Variants in SAMD11 observed in about 807,000 individuals in gnomAD.
The protein encoded by SAMD11 is sterile alpha motif domain containing 11.
In SAMD11, 77 loss-of-function variants were observed where a neutral mutation model predicts 64.4. The ratio of observed to expected loss-of-function variants is 1.20; its 90% confidence interval spans 0.99 to 1.44. SAMD11 has a LOEUF of 1.44. Among genes scored for constraint, SAMD11 ranks in the 40% most tolerant of loss-of-function variants. The pLI is 0.00. For synonymous variants in SAMD11, 658 were observed against 421.9 expected, an observed-to-expected ratio of 1.56 and a Z score of -6.86; for missense variants, 1,402 against 943.3, an observed-to-expected ratio of 1.49 and a Z score of -6.37.
chr1:928,217 C>CT (rs369077543), intron 2 of SAMD11, among the ~76,000 whole-genome samples: 5 of 119,586 alleles, frequency 4.2e-5, no homozygotes, highest in Non-Finnish European at 9.8e-5. Flanking sequence ...CACGGTGAAA[C>CT]CCGTCTCTAC....
At chr1:941,061 C>G in intron 7 of SAMD11, 83 bp from the exon 8 acceptor site, 5 of 1,315,028 alleles carry the variant, frequency 3.8e-6, no homozygotes, top group Non-Finnish European at 1.1e-6. Context: ...CAGTTCCCCA[C>G]CTCAGTGTTC....
rs972967218 is a variant in SAMD11, at chr1:925,923, G to C, written c.519G>C (p.Gly173=). ...GGTCTGCCTCGGCTCTGCTCGCAGG[G>C]AAAAGTCTGAAGACGCTTATGTCCA... ...KDWKRSIRHK[G]KSLKTLMSKG... Residue 173 remains glycine, a splice_region_variant and synonymous_variant, in exon 2 of 14, where the codon GGG becomes GGC. Transcript: ENST00000616016. The C allele has an allele frequency of 4.3e-6, 7 of 1,609,784 alleles. No homozygotes were observed. Among genetic ancestry groups the C allele is most frequent in the Non-Finnish European group, 5.9e-6 (7 of 1,178,734 alleles).
intron 5 of SAMD11, 32 bp downstream of exon 5, chr1:935,928 C>CGGGGCT: frequency 6.2e-7 from 1 of 1,603,538 alleles, no homozygotes; most frequent in South Asian, 1.1e-5. Context: ...AGGGCGGGGT[C>CGGGGCT]GGGGCTGTGG....
At position 933,122 on chromosome 1, in the gene SAMD11, C is replaced by T. The variant is rs372438699; in HGVS notation, c.842+2033C>T. Reference sequence around the variant, plus strand: ...GCCCCACCACAGAGACTCTCAGGGGCTTCGTCCCTTGTGCGAAGCAGGGTG... The same window carrying T: ...GCCCCACCACAGAGACTCTCAGGGGTTTCGTCCCTTGTGCGAAGCAGGGTG... On this transcript the variant is annotated intron_variant, in intron 4 of 13. Coordinates refer to ENST00000616016, the MANE Select transcript of SAMD11 (RefSeq NM_001385641.1). Among the ~76,000 whole-genome samples the T allele has an allele frequency of 3.5e-3, 536 of 152,330 alleles. 2 individuals are homozygous for T. Among genetic ancestry groups the T allele is most frequent in the African/African-American group, 0.012 (513 of 41,564 alleles).
chr1:931,736 G>A (rs1641178689), intron 4 of SAMD11, among the ~76,000 whole-genome samples: 1 of 152,230 alleles, frequency 6.6e-6, no homozygotes. Context: ...TGGCAGACAG[G>A]GGATTGGATT....
Position 942,205 on chromosome 1 carries a change from CA to C in SAMD11, c.1429del (p.Arg477GlyfsTer87). On this transcript the variant is annotated frameshift_variant, in exon 9 of 14. Coordinates refer to ENST00000616016, the MANE Select transcript of SAMD11 (RefSeq NM_001385641.1). LOFTEE classifies it high-confidence loss of function. ...APHVALGPHLRPPFLGVPSAL... is the reference protein window; with the variant it reads ...APHVALGPHLXPPFLGVPSAL... ...CTCACGTCGCCCTGGGCCCCCATCT[CA>C]GGCCCCCCTTCCTGGGGGTGCCCTC... is the stretch of plus-strand genomic sequence containing the variant. 7.3e-7 allele frequency: 1 copy of C among 1,369,760 alleles called. No individual in the cohort carries two copies. Among genetic ancestry groups the C allele is most frequent in the Non-Finnish European group, 9.5e-7 (1 of 1,056,964 alleles). 84.9% of individuals were successfully genotyped at this position (1,369,760 alleles called of 1,614,324 possible).
intron 8 of SAMD11, 44 bp downstream of exon 8, chr1:941,350 C>G (rs756879143): frequency 2.7e-5 from 40 of 1,457,710 alleles, no homozygotes; most frequent in Non-Finnish European, 3.5e-5. Context: ...TGGGGTGCCG[C>G]CCGCACCCCC....
intron 5 of SAMD11, among the ~76,000 whole-genome samples, chr1:937,511 A>T (rs571539719): frequency 1.3e-5 from 2 of 150,318 alleles, no homozygotes; most frequent in Admixed American, 1.3e-4. Flanking sequence ...AGGAGGTGAG[A>T]GGCCTTGCTA....
At chr1:937,452 C>T (rs1302282999) in intron 5 of SAMD11, among the ~76,000 whole-genome samples, 8 of 151,102 alleles carry the variant, frequency 5.3e-5, no homozygotes, top group Non-Finnish European at 1.5e-5. Context: ...TAGCCCCCCA[C>T]AGAACGGAGA....
At chr1:935,717 G>GGCTCCAGCCTCGCA (rs1641396346) in intron 4 of SAMD11, 55 bp from the exon 5 acceptor site, 19 of 1,608,636 alleles carry the variant, frequency 1.2e-5, no homozygotes, top group Non-Finnish European at 1.6e-5. Context: ...GCCCAGGCTG[G>GGCTCCAGCCTCGCA]GCTCCAGCCT....
Position 942,136 on chromosome 1 carries a change from G to C in SAMD11, c.1359G>C (p.Arg453Ser). Residue 453 changes from arginine (R) to serine (S), a missense_variant and splice_region_variant, in exon 9 of 14, where the codon AGG (arginine) becomes AGC (serine). By Grantham distance (110) the Arg-to-Ser change is moderately radical. Transcript: ENST00000616016. ...APAAAPSFSERELPQPPPLLS... is the reference protein window; with the variant it reads ...APAAAPSFSESELPQPPPLLS... Reference sequence around the variant, plus strand: ...CCGCTCATTGCGCTGCCGTCCACAGGGAGCTGCCTCAGCCGCCCCCCTTGC... The same window carrying C: ...CCGCTCATTGCGCTGCCGTCCACAGCGAGCTGCCTCAGCCGCCCCCCTTGC... The C allele has an allele frequency of 7.5e-7, 1 of 1,332,688 alleles. No individual in the cohort carries two copies. The allele number at this position is 1,332,688 out of a possible 1,614,324, so 82.6% of individuals were successfully genotyped here.
intron 5 of SAMD11, among the ~76,000 whole-genome samples, chr1:938,812 C>T (rs560829153): frequency 3.9e-5 from 6 of 152,288 alleles, no homozygotes; most frequent in African/African-American, 7.2e-5. Flanking sequence ...TCTGCACACA[C>T]GCACCAGGGC....
rs544200569 is a variant in SAMD11 at position 928,194 on chromosome 1, C to T, written c.610-1961C>T. 3.7e-3 allele frequency among the ~76,000 whole-genome samples: 569 copies of T among 152,004 alleles called. 25 individuals carry two copies. The East Asian group carries it at 0.1, about 27-fold the overall frequency. On this transcript the variant is annotated intron_variant, in intron 2 of 13. Coordinates refer to ENST00000616016, the MANE Select transcript of SAMD11 (RefSeq NM_001385641.1). ...GGATCACGAGGTCAGGAGATCGAGA[C>T]CATCCTGACTAACACGGTGAAACCC... is the stretch of plus-strand genomic sequence containing the variant.
chr1:924,089 CG>C lies in SAMD11; in HGVS notation c.-340del, dbSNP rs1640778132. On this transcript the variant is annotated 5_prime_UTR_variant, in exon 1 of 14. Transcript: ENST00000616016. ...CGGCCTGGCGGGTGGGTCGGCGAGC[CG>C]GGCGTGGGACTGCCCCGGGCGCGGG... 1 of 149,580 alleles carries C rather than the reference CG, an allele frequency of 6.7e-6. No individual in the cohort carries two copies. The highest frequency in any genetic ancestry group is 2.4e-5 in the African/African-American group (1 of 41,082). 9.3% of individuals were successfully genotyped at this position (149,580 alleles called of 1,614,324 possible).
chr1:943,266 A>C lies in SAMD11; in HGVS notation c.2067A>C (p.Gly689=), dbSNP rs1158711747. Residue 689 remains glycine, a synonymous_variant, in exon 12 of 14, where the codon GGA becomes GGC. Transcript: ENST00000616016. ...SPYFHTGAVG[G]LSMDGEEAPA... ...CCCACAACTCAGGCGCGGTAGGGGG[A>C]CTCTCCATGGATGGGGAGGAGGCCC... 6.2e-7 allele frequency: 1 copy of C among 1,611,848 alleles called. No individual in the cohort carries two copies. Among genetic ancestry groups the C allele is most frequent in the Non-Finnish European group, 8.5e-7 (1 of 1,179,642 alleles).
In SAMD11 at chr1:925,917, C is replaced by G. The variant is rs1470043594; in HGVS notation, c.518-5C>G. The G allele has an allele frequency of 6.2e-7, 1 of 1,606,404 alleles. No individual in the cohort carries two copies. The highest frequency in any genetic ancestry group is 8.5e-7 in the Non-Finnish European group (1 of 1,175,868). ...TCACAGGGTCTGCCTCGGCTCTGCT[C>G]GCAGGGAAAAGTCTGAAGACGCTTA... On this transcript the variant is annotated splice_region_variant and splice_polypyrimidine_tract_variant and intron_variant, in intron 1 of 13. Transcript: ENST00000616016.
chr1:942,047 C>T (rs1049812767), intron 8 of SAMD11, 89 bp from the exon 9 acceptor site: 20 of 449,332 alleles, frequency 4.5e-5, no homozygotes, highest in Admixed American at 8.6e-5. Flanking sequence ...GCGGGGCCGG[C>T]AATTAGCGGA....
At chr1:941,043 G>A (rs1201331584) in intron 7 of SAMD11, 101 bp from the exon 8 acceptor site, 12 of 1,122,556 alleles carry the variant, frequency 1.1e-5, no homozygotes, top group South Asian at 1.5e-5. Flanking sequence ...ACGGCCGAGT[G>A]GTGTGGTCAG....
Position 942,155 on chromosome 1 carries a change from C to A in SAMD11, c.1378C>A (p.Pro460Thr). Residue 460 changes from proline (P) to threonine (T), a missense_variant, in exon 9 of 14, where the codon CCC becomes ACC. Coordinates refer to ENST00000616016, the MANE Select transcript of SAMD11 (RefSeq NM_001385641.1). ...FSERELPQPP[P>T]LLSPQNAPHV... is the part of the protein sequence containing the mutation. ...CCACAGGGAGCTGCCTCAGCCGCCC[C>A]CCTTGCTGTCGCCGCAGAATGCCCC... The A allele has an allele frequency of 7.2e-7, 1 of 1,392,436 alleles. No homozygotes were observed. The allele number at this position is 1,392,436 out of a possible 1,614,324, so 86.3% of individuals were successfully genotyped here.
Sources: allele counts gnomAD v4.1 joint callset (sites outside exome capture counted in the v4.1 genomes callset), GRCh38; gene constraint gnomAD v4.1.1; transcripts MANE v1.5; gene names NCBI Gene and HGNC (gene_info 2026-07-23, HGNC 2026-07-21).